Variants in FNDC3B observed in about 807,000 individuals in gnomAD.
FNDC3B encodes fibronectin type III domain-containing protein 3B.
A neutral mutation model predicts 151.5 loss-of-function variants in FNDC3B; 12 were observed. The observed-to-expected ratio is 0.08, with a 90% CI of 0.05 to 0.13. The LOEUF is 0.13. Ranked by LOEUF, FNDC3B falls within the 10% of genes least tolerant of loss-of-function variation. FNDC3B has a pLI of 1.00. For synonymous variants in FNDC3B, 528 were observed against 549.0 expected (o/e 0.96, Z 0.54); for missense variants, 1,214 against 1,505.3 (o/e 0.81, Z 3.20).
intron 1 of FNDC3B, among the ~76,000 whole-genome samples, chr3:172,097,821 TG>T (rs1282278840): frequency 6.6e-6 from 1 of 152,218 alleles, no homozygotes; most frequent in Non-Finnish European, 1.5e-5. Context: ...ATGATGGGCA[TG>T]GATACACATA....
chr3:172,127,959 A>G (rs1443801511), intron 2 of FNDC3B, among the ~76,000 whole-genome samples: 2 of 152,234 alleles, frequency 1.3e-5, no homozygotes, highest in African/African-American at 2.4e-5. Flanking sequence ...CACCCGGCCG[A>G]GGATACAGCT....
At chr3:172,162,003 GTCTC>G (rs1373203883) in intron 3 of FNDC3B, among the ~76,000 whole-genome samples, 22 of 150,544 alleles carry the variant, frequency 1.5e-4, no homozygotes, top group Admixed American at 1.5e-3. Flanking sequence ...GGGGGACAGA[GTCTC>G]TCTCTGTTAC....
intron 1 of FNDC3B, among the ~76,000 whole-genome samples, chr3:172,108,794 C>T (rs936758878): frequency 3.3e-4 from 51 of 152,312 alleles, no homozygotes; most frequent in African/African-American, 1.0e-3. Context: ...CTACTGTGAA[C>T]GCTAAGTTTT....
At chr3:172,381,187 T>C in intron 25 of FNDC3B, 94 bp downstream of exon 25, 1 of 1,426,600 alleles carries the variant, frequency 7.0e-7, no homozygotes, top group African/African-American at 1.4e-5. Context: ...ACTATGTTTT[T>C]CTTAAAATCA....
chr3:172,088,733 A>C (rs9841859), intron 1 of FNDC3B, among the ~76,000 whole-genome samples: 1 of 151,928 alleles, frequency 6.6e-6, no homozygotes, highest in African/African-American at 2.4e-5. Context: ...TAAATTTTAC[A>C]TAGTGAAATC....
At chr3:172,360,857 G>A (rs1422544326) in intron 22 of FNDC3B, among the ~76,000 whole-genome samples, 1 of 152,130 alleles carries the variant, frequency 6.6e-6, no homozygotes, top group Non-Finnish European at 1.5e-5. Flanking sequence ...CTAAAATCAG[G>A]TAGTGTGATT....
intron 3 of FNDC3B, among the ~76,000 whole-genome samples, chr3:172,226,292 C>T (rs1332343210): frequency 7.6e-6 from 1 of 132,088 alleles, no homozygotes; most frequent in Non-Finnish European, 1.6e-5. Flanking sequence ...GTGACAAGTG[C>T]GAAACTCTGT....
chr3:172,186,804 C>A, intron 3 of FNDC3B: 2 of 693,864 alleles, frequency 2.9e-6, no homozygotes, highest in South Asian at 3.1e-5. Flanking sequence ...TGATCTGTGT[C>A]ATAGATATTT....
chr3:172,392,810 C>CTTTTTTTTTTTTTTTT (rs1167627679), intron 25 of FNDC3B, among the ~76,000 whole-genome samples: 4 of 99,874 alleles, frequency 4.0e-5, no homozygotes, highest in Non-Finnish European at 7.4e-5. Flanking sequence ...TTTTTTTTTT[C>CTTTTTTTTTTTTTTTT]TTTTTTTTTT....
At chr3:172,356,906 C>A (rs1310512687) in intron 22 of FNDC3B, among the ~76,000 whole-genome samples, 1 of 152,166 alleles carries the variant, frequency 6.6e-6, no homozygotes, top group Non-Finnish European at 1.5e-5. Context: ...CACACCCACA[C>A]TCTTGACATC....
chr3:172,226,853 C>G lies in FNDC3B; in HGVS notation c.188-18C>G. On this transcript the variant is annotated intron_variant, in intron 3 of 25. Coordinates refer to ENST00000415807, the MANE Select transcript of FNDC3B (RefSeq NM_022763.4). ...TGTATGTTTCTTCAGCTATTAACAT[C>G]TGACTCGTCTGTTTTAGGACCTGCT... 1.3e-6 allele frequency: 2 copies of G among 1,530,252 alleles called. No homozygotes were observed. Among genetic ancestry groups the G allele is most frequent in the Non-Finnish European group, 1.8e-6 (2 of 1,103,612 alleles). 94.8% of individuals were successfully genotyped at this position (1,530,252 alleles called of 1,614,324 possible).
intron 3 of FNDC3B, among the ~76,000 whole-genome samples, chr3:172,172,831 A>G (rs893073776): frequency 6.6e-6 from 1 of 152,170 alleles, no homozygotes; most frequent in East Asian, 1.9e-4. Flanking sequence ...TAAGGGACCT[A>G]TTTTGCTTCT....
Position 172,295,353 on chromosome 3 carries a change from T to C in FNDC3B, c.850-10T>C. Reference sequence around the variant, plus strand: ...TTTGAATACTTTTGTCCCATGTTTTTCTTCCTCAGGTTTCTAATATTCAGG... The same window carrying C: ...TTTGAATACTTTTGTCCCATGTTTTCCTTCCTCAGGTTTCTAATATTCAGG... On this transcript the variant is annotated splice_polypyrimidine_tract_variant and intron_variant, in intron 7 of 25. Coordinates refer to ENST00000415807, the MANE Select transcript of FNDC3B (RefSeq NM_022763.4). 1 of 1,597,482 alleles carries C rather than the reference T, an allele frequency of 6.3e-7. No individual in the cohort carries two copies. The highest frequency in any genetic ancestry group is 8.5e-7 in the Non-Finnish European group (1 of 1,174,946).
chr3:172,293,730 A>G (rs1202394598), intron 7 of FNDC3B, among the ~76,000 whole-genome samples: 5 of 152,254 alleles, frequency 3.3e-5, no homozygotes, highest in Non-Finnish European at 5.9e-5. Context: ...GGCTAAATAT[A>G]TCATGATATT....
At chr3:172,077,763 C>T (rs990387552) in intron 1 of FNDC3B, among the ~76,000 whole-genome samples, 3 of 152,062 alleles carry the variant, frequency 2.0e-5, no homozygotes, top group African/African-American at 7.2e-5. Context: ...TTTAAGTTGC[C>T]TAGTAATTTA....
chr3:172,390,653 G>T (rs1166774510), intron 25 of FNDC3B, among the ~76,000 whole-genome samples: 1 of 150,754 alleles, frequency 6.6e-6, no homozygotes, highest in Non-Finnish European at 1.5e-5. Flanking sequence ...TCTGGAAACT[G>T]TAGAAATAAT....
chr3:172,159,366 TCCCTCCTCC>T (rs1298696118), intron 3 of FNDC3B, among the ~76,000 whole-genome samples: 5 of 152,224 alleles, frequency 3.3e-5, no homozygotes, highest in African/African-American at 1.2e-4. Context: ...GATCACTGTA[TCCCTCCTCC>T]CACACCACAT....
At chr3:172,073,142 C>CTGT (rs1717859556) in intron 1 of FNDC3B, among the ~76,000 whole-genome samples, 1 of 152,146 alleles carries the variant, frequency 6.6e-6, no homozygotes, top group Admixed American at 6.5e-5. Flanking sequence ...TGGGATTGAA[C>CTGT]TGTTATTGTT....
chr3:172,362,035 A>G (rs1478571285), intron 22 of FNDC3B, among the ~76,000 whole-genome samples: 1 of 152,194 alleles, frequency 6.6e-6, no homozygotes, highest in Non-Finnish European at 1.5e-5. Context: ...GATTAAGGTA[A>G]TATGTTTCTT....
Sources: gnomAD v4.1 joint callset for allele counts (sites outside exome capture counted in the v4.1 genomes callset) on GRCh38, gnomAD v4.1.1 for gene constraint, MANE v1.5 for transcripts, NCBI Gene and HGNC (gene_info 2026-07-23, HGNC 2026-07-21) for gene names.